Variants in ARL5A observed in about 807,000 individuals in gnomAD.
ARL5A encodes ADP-ribosylation factor-like protein 5A.
ARL5A carries 18 observed loss-of-function variants against 25.9 expected under a neutral mutation model. That is an observed-to-expected ratio of 0.69 (90% CI 0.48 to 1.03). ARL5A has a LOEUF of 1.03. Among genes scored for constraint, ARL5A ranks in the 50% least tolerant of loss-of-function variants. The pLI is 0.00. For missense variants in ARL5A, 170 were observed against 211.9 expected (o/e 0.80, Z 1.23); for synonymous variants, 61 against 67.5 (o/e 0.90, Z 0.47).
At position 151,799,779 on chromosome 2, in the gene ARL5A, A is replaced by C. The variant is rs2099829166; in HGVS notation, c.*3497T>G. 6.6e-6 allele frequency: 1 copy of C among 152,362 alleles called. No homozygotes were observed. The highest frequency in any genetic ancestry group is 1.5e-5 in the Non-Finnish European group (1 of 68,032). 9.4% of individuals were successfully genotyped at this position (152,362 alleles called of 1,614,324 possible). A position where few individuals can be genotyped will look rare whatever the true frequency, so the allele number is the denominator to read the frequency against. ...GCCAGTGGTGAGAAGATAGCAAGGA[A>C]CTAGAAAAGCTACATAGAAACCACT... On this transcript the variant is annotated 3_prime_UTR_variant, in exon 6 of 6. Transcript: ENST00000295087.
chr2:151,828,027 GC>G, intron 1 of ARL5A, 103 bp downstream of exon 1: 1 of 1,292,566 alleles, frequency 7.7e-7, no homozygotes, highest in Non-Finnish European at 1.1e-6. Flanking sequence ...CTGAGCTGGC[GC>G]CCGACCGAGC....
At chr2:151,812,911 A>C (rs1403991395) in intron 3 of ARL5A, among the ~76,000 whole-genome samples, 1 of 152,168 alleles carries the variant, frequency 6.6e-6, no homozygotes, top group Non-Finnish European at 1.5e-5. Flanking sequence ...GAAAGAATAA[A>C]TCTCTATCTA....
chr2:151,821,775 C>CTTTTTTTTTTTT (rs760341359), intron 1 of ARL5A, among the ~76,000 whole-genome samples: 24 of 113,538 alleles, frequency 2.1e-4, no homozygotes, highest in African/African-American at 7.8e-4. Context: ...GCCCGGCTTT[C>CTTTTTTTTTTTT]TTTTTTTTTT....
rs1040527203 is a variant in ARL5A, at chr2:151,802,314, T to C, written c.*962A>G. The stretch of plus-strand genomic sequence containing the variant: ...ATTTATAGAATGCTACTTTTCTGGG[T>C]AGACATGTTTCACAAAACAGTTTTC... On this transcript the variant is annotated 3_prime_UTR_variant, in exon 6 of 6. Coordinates refer to ENST00000295087, the MANE Select transcript of ARL5A (RefSeq NM_012097.4). 28 of 152,248 alleles carry C rather than the reference T, an allele frequency of 1.8e-4. No homozygotes were observed. Among genetic ancestry groups the C allele is most frequent in the African/African-American group, 6.7e-4 (28 of 41,564 alleles). The allele number at this position is 152,248 out of a possible 1,614,324, so 9.4% of individuals were successfully genotyped here.
At chr2:151,817,827 A>G (rs1283324978) in intron 1 of ARL5A, among the ~76,000 whole-genome samples, 1 of 152,266 alleles carries the variant, frequency 6.6e-6, no homozygotes, top group Non-Finnish European at 1.5e-5. Context: ...CCAACATGGT[A>G]AAACTCCATC....
At chr2:151,825,791 A>G (rs2099832971) in intron 1 of ARL5A, among the ~76,000 whole-genome samples, 1 of 152,074 alleles carries the variant, frequency 6.6e-6, no homozygotes, top group Admixed American at 6.6e-5. Context: ...AAGAGCATCC[A>G]ACACATATCT....
intron 1 of ARL5A, among the ~76,000 whole-genome samples, chr2:151,816,350 A>G (rs1469171431): frequency 6.6e-6 from 1 of 152,218 alleles, no homozygotes; most frequent in Non-Finnish European, 1.5e-5. Context: ...TTGAACCTAC[A>G]GAGTACTTTA....
intron 5 of ARL5A, 60 bp from the exon 6 acceptor site, chr2:151,803,384 C>G: frequency 1.7e-6 from 2 of 1,196,612 alleles, no homozygotes; most frequent in Non-Finnish European, 2.5e-6. Flanking sequence ...GAGCAGCAAA[C>G]TATGAACAGC....
rs900312565 is a variant in ARL5A, at chr2:151,828,349, G to T, written c.-173C>A. On this transcript the variant is annotated 5_prime_UTR_variant, in exon 1 of 6. Coordinates refer to ENST00000295087, the MANE Select transcript of ARL5A (RefSeq NM_012097.4). ...GGGAGGCCGAAGCCCAGGCCGCCCT[G>T]CCGCGCGCAAGGCCCCGCCGCTGCC... 1.9e-6 allele frequency: 1 copy of T among 527,704 alleles called. No individual in the cohort carries two copies. Among genetic ancestry groups the T allele is most frequent in the Non-Finnish European group, 3.2e-6 (1 of 311,366 alleles). The allele number at this position is 527,704 out of a possible 1,614,324, so 32.7% of individuals were successfully genotyped here.
rs1391393536 is a variant in ARL5A, at chr2:151,801,183, T to A, written c.*2093A>T. 6.6e-6 allele frequency: 1 copy of A among 152,610 alleles called. No homozygotes were observed. The highest frequency in any genetic ancestry group is 1.5e-5 in the Non-Finnish European group (1 of 68,010). The allele number at this position is 152,610 out of a possible 1,614,324, so 9.5% of individuals were successfully genotyped here. On this transcript the variant is annotated 3_prime_UTR_variant, in exon 6 of 6. Transcript: ENST00000295087. Reference sequence around the variant, plus strand: ...AAATGTGGTATAAAATTACACATCTTCTCATGATGTCATGTCAATAATCCA... The same window carrying A: ...AAATGTGGTATAAAATTACACATCTACTCATGATGTCATGTCAATAATCCA...
intron 1 of ARL5A, among the ~76,000 whole-genome samples, chr2:151,822,427 C>T (rs1314175967): frequency 6.6e-6 from 1 of 152,178 alleles, no homozygotes; most frequent in African/African-American, 2.4e-5. Context: ...CGTGTCATCT[C>T]AATAATAGGG....
chr2:151,820,202 C>T (rs1478371721), intron 1 of ARL5A, among the ~76,000 whole-genome samples: 1 of 152,212 alleles, frequency 6.6e-6, no homozygotes, highest in Non-Finnish European at 1.5e-5. Context: ...TCATCTTTTA[C>T]AACCACTGTA....
intron 1 of ARL5A, 126 bp downstream of exon 1, chr2:151,828,005 C>T: frequency 2.0e-6 from 2 of 994,824 alleles, no homozygotes; most frequent in Non-Finnish European, 3.1e-6. Flanking sequence ...TCCGCGCAGC[C>T]TGCACCCCGC....
At chr2:151,823,648 C>T (rs945685653) in intron 1 of ARL5A, among the ~76,000 whole-genome samples, 119 of 152,286 alleles carry the variant, frequency 7.8e-4, no homozygotes, top group African/African-American at 2.4e-3. Context: ...TCCCTCCAGA[C>T]TTAAGATGCA....
chr2:151,814,189 T>C lies in ARL5A; in HGVS notation c.235A>G (p.Thr79Ala), dbSNP rs142801727. 1.0e-4 allele frequency: 168 copies of C among 1,600,588 alleles called. No individual in the cohort carries two copies. The African/African-American group carries it at 2.0e-3, about 19-fold the overall frequency. ...ATTACCTCTGTGTTAGTATAGTAAG[T>C]GTTCCAGGAAGAACGAAGAGATTCT... Reference protein sequence around the residue: ...GQESLRSSWNTYYTNTEFVIV... With the variant: ...GQESLRSSWNAYYTNTEFVIV... The change falls in exon 3 of 6, where the codon ACT (threonine) becomes GCT (alanine). Residue 79 changes from threonine to alanine, a missense_variant. Physicochemically the swap from Thr to Ala is moderately conservative, Grantham distance 58. Coordinates refer to ENST00000295087, the MANE Select transcript of ARL5A (RefSeq NM_012097.4).
intron 1 of ARL5A, among the ~76,000 whole-genome samples, chr2:151,818,536 A>G (rs1178508263): frequency 6.6e-6 from 1 of 152,134 alleles, no homozygotes; most frequent in Non-Finnish European, 1.5e-5. Context: ...CTCAGCCTCA[A>G]AAAGTGCTAG....
chr2:151,828,193 C>CCG lies in ARL5A; in HGVS notation c.-18_-17insCG. ...AATTCCCATTCTCGGGCAGCGGACC[C>CCG]CCCCCCTCCAGACACCCGGGCCGCC... On this transcript the variant is annotated 5_prime_UTR_variant, in exon 1 of 6. Coordinates refer to ENST00000295087, the MANE Select transcript of ARL5A (RefSeq NM_012097.4). 6.2e-7 allele frequency: 1 copy of CCG among 1,600,620 alleles called. No homozygotes were observed. The highest frequency in any genetic ancestry group is 1.7e-5 in the Admixed American group (1 of 59,036).
intron 1 of ARL5A, among the ~76,000 whole-genome samples, chr2:151,821,323 G>A (rs150715121): frequency 6.6e-6 from 1 of 152,192 alleles, no homozygotes; most frequent in African/African-American, 2.4e-5. Context: ...TAATATATTT[G>A]AACATATCAT....
chr2:151,804,914 T>A (rs1171562823), intron 5 of ARL5A, among the ~76,000 whole-genome samples: 4 of 152,156 alleles, frequency 2.6e-5, no homozygotes, highest in African/African-American at 9.7e-5. Flanking sequence ...AACAGAACAT[T>A]TCTCTCAAAA....
Sources: allele counts gnomAD v4.1 joint callset (sites outside exome capture counted in the v4.1 genomes callset), GRCh38; gene constraint gnomAD v4.1.1; transcripts MANE v1.5; gene names NCBI Gene and HGNC (gene_info 2026-07-23, HGNC 2026-07-21).